The following TTC27 variants were observed in gnomAD, a reference collection of about 807,000 sequenced individuals.
The protein encoded by TTC27 is tetratricopeptide repeat protein 27.
In TTC27, 79 loss-of-function variants were observed where a neutral mutation model predicts 115.9. The observed-to-expected ratio is 0.68, with a 90% CI of 0.57 to 0.82. TTC27 has a LOEUF of 0.82. TTC27 is among the 40% of genes least tolerant of loss of function. The pLI, the probability that TTC27 is intolerant of heterozygous loss-of-function variation, is 0.00. For missense variants in TTC27, 1,054 were observed against 993.1 expected (o/e 1.06, Z -0.82); for synonymous variants, 401 against 356.0 (o/e 1.13, Z -1.42).
rs144033774 is a variant in TTC27, at chr2:32,649,312, G to T, written c.538-819G>T. 5.9e-4 allele frequency among the ~76,000 whole-genome samples: 90 copies of T among 152,198 alleles called. 1 individual carries two copies. Among genetic ancestry groups the T allele is most frequent in the African/African-American group, 2.2e-3 (90 of 41,538 alleles). ...ATTGCTTTGAGGAGGATATAGAGAT[G>T]AATAAGACATGATTTCTTACCTTGT... is the stretch of plus-strand genomic sequence containing the variant. On this transcript the variant is annotated intron_variant, in intron 4 of 19. Coordinates refer to ENST00000317907, the MANE Select transcript of TTC27 (RefSeq NM_017735.5).
rs766900741 is a variant in TTC27 at position 32,702,923 on chromosome 2, A to G, written c.1233+3A>G. Reference sequence around the variant, plus strand: ...AACGGGCAATGAGGCAGACACAGGTAAGAATTAATGTGGCAATTTGTGTGC... The same window carrying G: ...AACGGGCAATGAGGCAGACACAGGTGAGAATTAATGTGGCAATTTGTGTGC... On this transcript the variant is annotated splice_donor_region_variant and intron_variant, in intron 10 of 19. Coordinates refer to ENST00000317907, the MANE Select transcript of TTC27 (RefSeq NM_017735.5). The G allele has an allele frequency of 7.5e-6, 12 of 1,609,592 alleles. No individual in the cohort carries two copies. The Admixed American group carries it at 2.0e-4, about 27-fold the overall frequency.
intron 13 of TTC27, among the ~76,000 whole-genome samples, chr2:32,764,403 CAAA>C (rs1558331913): frequency 6.6e-6 from 1 of 151,596 alleles, no homozygotes; most frequent in African/African-American, 2.4e-5. Flanking sequence ...TAAAAAAAAA[CAAA>C]CAAAAATCAT....
rs114535692 is a variant in TTC27 at position 32,643,706 on chromosome 2, G to C, written c.537+3296G>C. Among the ~76,000 whole-genome samples the C allele has an allele frequency of 4.0e-3, 603 of 152,174 alleles. 1 individual carries two copies. The highest frequency in any genetic ancestry group is 0.014 in the African/African-American group (574 of 41,540). On this transcript the variant is annotated intron_variant, in intron 4 of 19. Coordinates refer to ENST00000317907, the MANE Select transcript of TTC27 (RefSeq NM_017735.5). ...TGGTCACTAATGAATGAGTGAGACG[G>C]TTTTTAAGTTGCTCAAAAGTTTTCT... is the stretch of plus-strand genomic sequence containing the variant.
chr2:32,678,346 TTTATACC>T (rs1222855582), intron 8 of TTC27, among the ~76,000 whole-genome samples: 1 of 152,110 alleles, frequency 6.6e-6, no homozygotes, highest in African/African-American at 2.4e-5. Context: ...ACCTTTATAC[TTTATACC>T]TTATATCTTT....
At chr2:32,734,331 C>T (rs1668386349) in intron 11 of TTC27, among the ~76,000 whole-genome samples, 1 of 152,116 alleles carries the variant, frequency 6.6e-6, no homozygotes. Flanking sequence ...CCTCCAGCCT[C>T]CTGAGCAGCT....
At chr2:32,679,915 C>T (rs1473035751) in intron 9 of TTC27, among the ~76,000 whole-genome samples, 2 of 152,104 alleles carry the variant, frequency 1.3e-5, no homozygotes, top group Non-Finnish European at 2.9e-5. Context: ...CACCTCAACC[C>T]GGAAGGCGGA....
intron 13 of TTC27, among the ~76,000 whole-genome samples, chr2:32,762,426 C>T (rs1471317803): frequency 2.0e-5 from 3 of 151,882 alleles, no homozygotes; most frequent in Non-Finnish European, 4.4e-5. Flanking sequence ...GGCTGTGAAA[C>T]GTCTTCAATG....
chr2:32,756,687 G>A (rs771836321), intron 12 of TTC27, among the ~76,000 whole-genome samples: 7 of 152,340 alleles, frequency 4.6e-5, no homozygotes, highest in Middle Eastern at 3.4e-3. Context: ...ATTGCCAACT[G>A]ATGTATGTTA....
In TTC27 at chr2:32,628,072, C is replaced by G. The variant is rs1178715420; in HGVS notation, c.-221C>G. On this transcript the variant is annotated 5_prime_UTR_variant, in exon 1 of 20. Transcript: ENST00000317907. ...GTTCTTCTCCTAGGCGGAAGCCAGA[C>G]CAGAGAGCGTGCGTGTTTTTCCCAG... 1.8e-6 allele frequency: 1 copy of G among 542,034 alleles called. No individual in the cohort carries two copies. Among genetic ancestry groups the G allele is most frequent in the Non-Finnish European group, 3.3e-6 (1 of 305,498 alleles). The allele number at this position is 542,034 out of a possible 1,614,324, so 33.6% of individuals were successfully genotyped here.
At chr2:32,806,880 C>G (rs547405382) in intron 16 of TTC27, among the ~76,000 whole-genome samples, 2 of 152,202 alleles carry the variant, frequency 1.3e-5, no homozygotes, top group African/African-American at 4.8e-5. Flanking sequence ...ATTTTTACTT[C>G]ACTTTATGAG....
intron 3 of TTC27, among the ~76,000 whole-genome samples, chr2:32,639,398 C>CT (rs1189363645): frequency 1.7e-4 from 25 of 148,408 alleles, no homozygotes; most frequent in African/African-American, 2.7e-4. Context: ...CAAAGGCATC[C>CT]TTTTTTTTTT....
intron 10 of TTC27, among the ~76,000 whole-genome samples, chr2:32,711,783 T>C (rs1351242133): frequency 2.0e-5 from 3 of 151,894 alleles, no homozygotes; most frequent in Non-Finnish European, 4.4e-5. Flanking sequence ...CTACTAAAAA[T>C]ACAAAAATTA....
intron 12 of TTC27, among the ~76,000 whole-genome samples, chr2:32,742,363 G>C (rs1014420084): frequency 2.4e-4 from 36 of 152,276 alleles, no homozygotes; most frequent in African/African-American, 8.2e-4. Context: ...TCAACTAATT[G>C]AATAATAAAG....
Position 32,695,718 on chromosome 2 carries a change from CAAAAAAAAAAAA to C in TTC27, c.1120-7069_1120-7058del, listed in dbSNP as rs66677186. The stretch of plus-strand genomic sequence containing the variant: ...TGGGTGACAGAGCAAGGCTCTATCT[CAAAAAAAAAAAA>C]AAAAAAAAAAAAAAAAAAAGCTGGG... On this transcript the variant is annotated intron_variant, in intron 9 of 19. Coordinates refer to ENST00000317907, the MANE Select transcript of TTC27 (RefSeq NM_017735.5). 3.4e-4 allele frequency among the ~76,000 whole-genome samples: 10 copies of C among 29,730 alleles called. No individual in the cohort carries two copies. In the East Asian group the frequency reaches 1.0e-2, roughly 30 times the overall value. 19.5% of individuals were successfully genotyped at this position (29,730 alleles called of 152,430 possible). A position where few individuals can be genotyped will look rare whatever the true frequency, so the allele number is the denominator to read the frequency against.
chr2:32,692,712 C>T (rs931203610), intron 9 of TTC27, among the ~76,000 whole-genome samples: 3 of 152,042 alleles, frequency 2.0e-5, no homozygotes, highest in African/African-American at 7.2e-5. Context: ...TGGTTTACAC[C>T]TGTAATCCCA....
intron 10 of TTC27, among the ~76,000 whole-genome samples, chr2:32,709,238 G>C (rs1223954649): frequency 1.3e-5 from 2 of 152,226 alleles, no homozygotes; most frequent in East Asian, 3.9e-4. Flanking sequence ...CCTTAACTGT[G>C]AGCTGGACTT....
intron 10 of TTC27, among the ~76,000 whole-genome samples, chr2:32,728,670 C>T (rs896512750): frequency 3.3e-5 from 5 of 152,216 alleles, no homozygotes; most frequent in Admixed American, 6.5e-5. Context: ...TGGAGTCTGA[C>T]AGGCTCACCT....
At chr2:32,789,366 C>G (rs1293660066) in intron 16 of TTC27, among the ~76,000 whole-genome samples, 1 of 152,150 alleles carries the variant, frequency 6.6e-6, no homozygotes, top group Non-Finnish European at 1.5e-5. Context: ...GAGTCTCATT[C>G]TCTCTCAGGA....
At chr2:32,791,843 C>G (rs576655586) in intron 16 of TTC27, among the ~76,000 whole-genome samples, 2 of 152,120 alleles carry the variant, frequency 1.3e-5, no homozygotes, top group South Asian at 2.1e-4. Context: ...CCACCACACT[C>G]CAGCCTGGGC....
Sources: gnomAD v4.1 joint callset for allele counts (sites outside exome capture counted in the v4.1 genomes callset) on GRCh38, gnomAD v4.1.1 for gene constraint, MANE v1.5 for transcripts, NCBI Gene and HGNC (gene_info 2026-07-23, HGNC 2026-07-21) for gene names.